Variants in SNX29 observed in about 807,000 individuals in gnomAD.
SNX29 encodes sorting nexin-29.
A neutral mutation model predicts 102.1 loss-of-function variants in SNX29; 78 were observed. The ratio of observed to expected loss-of-function variants is 0.76; its 90% CI spans 0.64 to 0.92. The LOEUF is 0.92. Ranked by LOEUF, SNX29 falls within the 40% of genes least tolerant of loss-of-function variation. SNX29 has a pLI of 0.00. For synonymous variants in SNX29, 580 were observed against 414.5 expected (o/e 1.40, Z -4.85); for missense variants, 1,280 against 1,061.7 (o/e 1.21, Z -2.86).
intron 18 of SNX29, among the ~76,000 whole-genome samples, chr16:12,446,605 A>G (rs1331886931): frequency 6.6e-6 from 1 of 152,140 alleles, no homozygotes; most frequent in Non-Finnish European, 1.5e-5. Context: ...TCGATGTTTT[A>G]GTTGGAAAGA....
chr16:12,128,058 T>C (rs2054294315), intron 12 of SNX29, among the ~76,000 whole-genome samples: 1 of 152,156 alleles, frequency 6.6e-6, no homozygotes, highest in Non-Finnish European at 1.5e-5. Context: ...AGCTTCTCTC[T>C]TGTCCTTTCT....
intron 15 of SNX29, among the ~76,000 whole-genome samples, chr16:12,287,500 T>A (rs1161817393): frequency 6.6e-6 from 1 of 152,166 alleles, no homozygotes; most frequent in Admixed American, 6.5e-5. Context: ...CCACTTACCC[T>A]CCTGTTTCCC....
chr16:12,567,720 C>CG (rs1818889398), intron 20 of SNX29, among the ~76,000 whole-genome samples: 1 of 152,190 alleles, frequency 6.6e-6, no homozygotes, highest in African/African-American at 2.4e-5. Flanking sequence ...TATCATTACA[C>CG]GATTGCACTG....
chr16:12,556,873 G>C (rs893414382), intron 20 of SNX29, among the ~76,000 whole-genome samples: 10 of 151,384 alleles, frequency 6.6e-5, no homozygotes, highest in Non-Finnish European at 1.2e-4. Context: ...TTTTTTTTGA[G>C]ATAGGGTCTC....
At chr16:12,309,017 T>G (rs936205629) in intron 15 of SNX29, among the ~76,000 whole-genome samples, 1 of 152,174 alleles carries the variant, frequency 6.6e-6, no homozygotes, top group Non-Finnish European at 1.5e-5. Flanking sequence ...AAACCTCACT[T>G]TGAGAGAGGC....
In SNX29 at chr16:12,573,321, CTG is replaced by C. The variant is rs1567232139; in HGVS notation, c.*4693_*4694del. On this transcript the variant is annotated 3_prime_UTR_variant, in exon 21 of 21. Coordinates refer to ENST00000566228, the MANE Select transcript of SNX29 (RefSeq NM_032167.5). ...ATCTTATGGGCCCGATTTGGGTACT[CTG>C]AATTATGTCATGGAGTAGACAGTTA... 16 of 226,298 alleles carry C rather than the reference CTG, an allele frequency of 7.1e-5. No individual in the cohort carries two copies. The highest frequency in any genetic ancestry group is 5.7e-4 in the Admixed American group (10 of 17,510). 14.0% of individuals were successfully genotyped at this position (226,298 alleles called of 1,614,324 possible).
intron 19 of SNX29, among the ~76,000 whole-genome samples, chr16:12,504,330 A>G (rs2089272901): frequency 1.3e-5 from 2 of 152,164 alleles, no homozygotes; most frequent in African/African-American, 2.4e-5. Flanking sequence ...TTGTGCAGTT[A>G]TCACTAGGAG....
chr16:12,241,014 G>T (rs1186173414), intron 14 of SNX29, among the ~76,000 whole-genome samples: 1 of 151,908 alleles, frequency 6.6e-6, no homozygotes, highest in South Asian at 2.1e-4. Flanking sequence ...GACTTTTTTT[G>T]TGTGGAATTT....
At chr16:12,521,467 G>A (rs1189850339) in intron 19 of SNX29, among the ~76,000 whole-genome samples, 1 of 151,914 alleles carries the variant, frequency 6.6e-6, no homozygotes, top group East Asian at 1.9e-4. Context: ...GGGGTGGGGG[G>A]TTCACTTTCC....
chr16:12,431,773 C>G (rs1287267536), intron 18 of SNX29, among the ~76,000 whole-genome samples: 1 of 152,200 alleles, frequency 6.6e-6, no homozygotes, highest in African/African-American at 2.4e-5. Context: ...TACCTAAACC[C>G]ACAGCCGGTG....
At chr16:12,515,917 A>G (rs545981148) in intron 19 of SNX29, among the ~76,000 whole-genome samples, 2 of 152,132 alleles carry the variant, frequency 1.3e-5, no homozygotes, top group East Asian at 3.9e-4. Flanking sequence ...CATTCATGTC[A>G]CAGTCCACTG....
intron 20 of SNX29, among the ~76,000 whole-genome samples, chr16:12,552,647 T>G (rs953162524): frequency 2.0e-5 from 3 of 152,058 alleles, no homozygotes; most frequent in African/African-American, 7.2e-5. Flanking sequence ...AATGGAAGGA[T>G]TGCAATGGGA....
intron 1 of SNX29, among the ~76,000 whole-genome samples, chr16:11,979,735 C>T (rs2055374930): frequency 6.6e-6 from 1 of 152,120 alleles, no homozygotes; most frequent in African/African-American, 2.4e-5. Context: ...AGACATGTAC[C>T]ACCATGCCCG....
intron 13 of SNX29, among the ~76,000 whole-genome samples, chr16:12,132,479 T>C (rs1037840787): frequency 1.3e-5 from 2 of 152,228 alleles, no homozygotes; most frequent in Non-Finnish European, 2.9e-5. Flanking sequence ...TGTGTGTTTC[T>C]GGGTGAATTG....
chr16:12,159,070 T>G (rs926221266), intron 13 of SNX29, among the ~76,000 whole-genome samples: 2 of 152,202 alleles, frequency 1.3e-5, no homozygotes, highest in African/African-American at 4.8e-5. Context: ...GCACATCTTG[T>G]GCATAACTGC....
chr16:12,317,957 G>A (rs767500302), intron 15 of SNX29, among the ~76,000 whole-genome samples: 9 of 152,246 alleles, frequency 5.9e-5, no homozygotes, highest in Non-Finnish European at 1.2e-4. Flanking sequence ...GGGGAAACAC[G>A]CTTAGTTTGG....
intron 15 of SNX29, among the ~76,000 whole-genome samples, chr16:12,319,544 T>C (rs2080859375): frequency 6.6e-6 from 1 of 152,186 alleles, no homozygotes; most frequent in South Asian, 2.1e-4. Flanking sequence ...AATACAGTGT[T>C]TCCAGCTGCC....
chr16:12,539,539 G>C (rs767638922), intron 20 of SNX29, among the ~76,000 whole-genome samples: 4 of 152,220 alleles, frequency 2.6e-5, no homozygotes, highest in South Asian at 2.1e-4. Context: ...AATAGAGCTA[G>C]TGGAAACATT....
chr16:12,477,788 C>T lies in SNX29; in HGVS notation c.2107C>T (p.His703Tyr). Residue 703 changes from histidine (H) to tyrosine (Y), a missense_variant, in exon 19 of 21, where the codon CAC becomes TAC. Coordinates refer to ENST00000566228, the MANE Select transcript of SNX29 (RefSeq NM_032167.5). ...GTATACAGAGTTCAGGAGTTTGCACCACAAGTTACAAAACAAGTACCCTCA... is the reference window on the plus strand; with the variant it reads ...GTATACAGAGTTCAGGAGTTTGCACTACAAGTTACAAAACAAGTACCCTCA... ...RRYTEFRSLH[H>Y]KLQNKYPQVR... The T allele has an allele frequency of 6.2e-7, 1 of 1,613,186 alleles. No individual in the cohort carries two copies.
Sources: gnomAD v4.1 joint callset for allele counts (sites outside exome capture counted in the v4.1 genomes callset) on GRCh38, gnomAD v4.1.1 for gene constraint, MANE v1.5 for transcripts, NCBI Gene and HGNC (gene_info 2026-07-23, HGNC 2026-07-21) for gene names.